The following PGPEP1L variants were observed in gnomAD, a reference collection of about 807,000 sequenced individuals.
PGPEP1L encodes the protein pyroglutamyl-peptidase I like, also known as pyroglutamyl-peptidase 1-like protein.
PGPEP1L carries 7 observed loss-of-function variants against 6.0 expected under a neutral mutation model. That is an observed-to-expected ratio of 1.17 (90% CI 0.66 to 2.19). The LOEUF (loss-of-function observed/expected upper bound fraction) is 2.19. Ranked by LOEUF, PGPEP1L falls within the 30% of genes most tolerant of loss-of-function variation. The probability of loss-of-function intolerance (pLI) is 0.00; values close to 1 mark genes in which losing one functional copy is unlikely to be tolerated. For synonymous variants in PGPEP1L, 103 were observed against 83.9 expected, an observed-to-expected ratio of 1.23 and a Z score of -1.24; for missense variants, 209 against 192.5, an observed-to-expected ratio of 1.09 and a Z score of -0.51.
At chr15:99,006,598 G>T (rs1472180097) in intron 1 of PGPEP1L, among the ~76,000 whole-genome samples, 2 of 152,226 alleles carry the variant, frequency 1.3e-5, no homozygotes, top group Non-Finnish European at 2.9e-5. Context: ...AGAGGCCAAG[G>T]TAGGAGGATA....
rs58126997 is a variant in PGPEP1L at position 98,972,872 on chromosome 15, C to CAAA, written c.-141-1717_-141-1715dup. ...TGGGTGACAGAGTGAGACTCCGTCT[C>CAAA]AAAAAAAAAAAAAAAAAAAAAAAAA... On this transcript the variant is annotated intron_variant, in intron 2 of 4. Transcript: ENST00000535714. 3.6e-3 allele frequency among the ~76,000 whole-genome samples: 164 copies of CAAA among 45,686 alleles called. 23 individuals carry two copies. Among genetic ancestry groups the CAAA allele is most frequent in the Non-Finnish European group, 4.0e-3 (108 of 26,832 alleles). 30.0% of individuals were successfully genotyped at this position (45,686 alleles called of 152,430 possible). A position where few individuals can be genotyped will look rare whatever the true frequency, so the allele number is the denominator to read the frequency against.
intron 2 of PGPEP1L, among the ~76,000 whole-genome samples, chr15:98,973,848 G>A (rs2017531419): frequency 6.6e-6 from 1 of 152,124 alleles, no homozygotes; most frequent in South Asian, 2.1e-4. Context: ...AAATAATAAA[G>A]ATCAGAGCAG....
chr15:98,988,765 C>A (rs1489525407), intron 2 of PGPEP1L, among the ~76,000 whole-genome samples: 2 of 152,160 alleles, frequency 1.3e-5, no homozygotes, highest in Non-Finnish European at 2.9e-5. Flanking sequence ...TGGCAGGTGC[C>A]CCTCTAGGAC....
At chr15:98,979,150 GCTGACAGA>G (rs746677088) in intron 2 of PGPEP1L, among the ~76,000 whole-genome samples, 3 of 152,104 alleles carry the variant, frequency 2.0e-5, no homozygotes, top group East Asian at 3.9e-4. Flanking sequence ...TGTTTCCCAT[GCTGACAGA>G]GTGCGTAACC....
At position 98,979,020 on chromosome 15, in the gene PGPEP1L, G is replaced by A. The variant is rs190773196; in HGVS notation, c.-141-7862C>T. Among the ~76,000 whole-genome samples, 371 of 129,606 alleles carry A rather than the reference G, an allele frequency of 2.9e-3. 3 individuals carry two copies. Among genetic ancestry groups the A allele is most frequent in the African/African-American group, 0.01 (350 of 34,488 alleles). The allele number at this position is 129,606 out of a possible 152,430, so 85.0% of individuals were successfully genotyped here. ...CGGGATTACAGGTGTGAGCCGCCGC[G>A]CCTGGCTACAGGATATATATATATA... On this transcript the variant is annotated intron_variant, in intron 2 of 4. Transcript: ENST00000535714.
At chr15:98,979,396 A>C (rs2017622386) in intron 2 of PGPEP1L, among the ~76,000 whole-genome samples, 1 of 152,260 alleles carries the variant, frequency 6.6e-6, no homozygotes, top group Non-Finnish European at 1.5e-5. Context: ...GATGAGTACA[A>C]GAACAGGAGG....
intron 2 of PGPEP1L, among the ~76,000 whole-genome samples, chr15:99,000,929 A>G (rs530332539): frequency 8.7e-4 from 132 of 152,224 alleles, no homozygotes; most frequent in Admixed American, 3.8e-3. Flanking sequence ...TTGGGTCCAC[A>G]CTGCCTTTAT....
chr15:98,990,056 T>C (rs1555471903), intron 2 of PGPEP1L, among the ~76,000 whole-genome samples: 1 of 152,130 alleles, frequency 6.6e-6, no homozygotes, highest in Non-Finnish European at 1.5e-5. Context: ...ATTCATGATA[T>C]GAAGAAACTG....
At chr15:98,973,886 G>C (rs948119923) in intron 2 of PGPEP1L, among the ~76,000 whole-genome samples, 1 of 151,992 alleles carries the variant, frequency 6.6e-6, no homozygotes, top group African/African-American at 2.4e-5. Flanking sequence ...AACTAAAAAA[G>C]CAATACAAAA....
chr15:99,000,785 T>C (rs566269423), intron 2 of PGPEP1L, among the ~76,000 whole-genome samples: 10 of 152,060 alleles, frequency 6.6e-5, no homozygotes, highest in African/African-American at 1.9e-4. Flanking sequence ...ATCAGCAGGA[T>C]GTGGGTGGGG....
chr15:98,980,383 G>A (rs1437002870), intron 2 of PGPEP1L, among the ~76,000 whole-genome samples: 2 of 152,114 alleles, frequency 1.3e-5, no homozygotes, highest in Non-Finnish European at 2.9e-5. Context: ...CTTTCAAAAG[G>A]AAACAAGCCA....
chr15:98,974,622 C>T (rs908823586), intron 2 of PGPEP1L, among the ~76,000 whole-genome samples: 32 of 152,148 alleles, frequency 2.1e-4, no homozygotes, highest in African/African-American at 6.0e-4. Flanking sequence ...AGGGGCCGGG[C>T]GCGGTGGCTC....
intron 2 of PGPEP1L, among the ~76,000 whole-genome samples, chr15:98,997,718 G>A (rs1356219760): frequency 1.3e-5 from 2 of 152,148 alleles, no homozygotes; most frequent in African/African-American, 4.8e-5. Context: ...GAACAACCCT[G>A]CAACATCTGC....
chr15:98,973,329 AT>A (rs1315363377), intron 2 of PGPEP1L, among the ~76,000 whole-genome samples: 1 of 152,218 alleles, frequency 6.6e-6, no homozygotes, highest in African/African-American at 2.4e-5. Flanking sequence ...ACAAAGAAAC[AT>A]TACAGTTAAA....
chr15:98,975,903 T>C (rs2151755867), intron 2 of PGPEP1L, among the ~76,000 whole-genome samples: 1 of 151,750 alleles, frequency 6.6e-6, no homozygotes, highest in Admixed American at 6.6e-5. Context: ...TAAGTAAATA[T>C]GTACAACTAT....
At chr15:99,001,907 G>A (rs1290471787) in intron 2 of PGPEP1L, among the ~76,000 whole-genome samples, 1 of 152,072 alleles carries the variant, frequency 6.6e-6, no homozygotes, top group Admixed American at 6.5e-5. Context: ...TAGTAGAGAT[G>A]GGGTTTCACT....
intron 2 of PGPEP1L, among the ~76,000 whole-genome samples, chr15:98,995,119 T>C (rs1485461722): frequency 3.1e-4 from 47 of 152,348 alleles, no homozygotes; most frequent in African/African-American, 1.1e-3. Context: ...ACTATCTCTT[T>C]GAATATTGCT....
chr15:98,992,574 C>A (rs1555472165), intron 2 of PGPEP1L, among the ~76,000 whole-genome samples: 1 of 152,210 alleles, frequency 6.6e-6, no homozygotes, highest in East Asian at 1.9e-4. Context: ...CATTGACTTT[C>A]TTCACAGAAC....
intron 2 of PGPEP1L, among the ~76,000 whole-genome samples, chr15:98,986,253 T>C (rs1555471485): frequency 6.6e-6 from 1 of 152,166 alleles, no homozygotes; most frequent in East Asian, 1.9e-4. Context: ...CCTAAATAGC[T>C]TCAGGATGGG....
Sources: allele counts gnomAD v4.1 joint callset (sites outside exome capture counted in the v4.1 genomes callset), GRCh38; gene constraint gnomAD v4.1.1; transcripts MANE v1.5; gene names NCBI Gene and HGNC (gene_info 2026-07-23, HGNC 2026-07-21).